PAK5: variants seen among roughly 807,000 people sequenced by gnomAD.
PAK5 encodes the protein serine/threonine-protein kinase PAK 5.
Under a neutral mutation model 65.9 loss-of-function variants are expected in PAK5, and 16 were observed. The observed-to-expected ratio is 0.24, with a 90% CI of 0.16 to 0.37. The LOEUF (loss-of-function observed/expected upper bound fraction) is 0.37, where lower values mean the gene tolerates loss of function less well. Among genes scored for constraint, PAK5 ranks in the 10% least tolerant of loss-of-function variants. The pLI, the probability that PAK5 is intolerant of heterozygous loss-of-function variation, is 1.00. For synonymous variants in PAK5, 371 were observed against 354.9 expected, an observed-to-expected ratio of 1.05 and a Z score of -0.51; for missense variants, 785 against 903.9, an observed-to-expected ratio of 0.87 and a Z score of 1.69.
rs114208383 is a variant in PAK5 at position 9,648,171 on chromosome 20, G to A, written c.-11-3832C>T. 4.2e-3 allele frequency among the ~76,000 whole-genome samples: 635 copies of A among 152,248 alleles called. 10 individuals carry two copies. Among genetic ancestry groups the A allele is most frequent in the African/African-American group, 0.014 (581 of 41,530 alleles). ...TAGGACTCTGCATACAGTCATACTC[G>A]TGGCTGTGATTTATTACCATGAGAG... is the stretch of plus-strand genomic sequence containing the variant. On this transcript the variant is annotated intron_variant, in intron 2 of 9. Transcript: ENST00000353224.
rs188354729 is a variant in PAK5 at position 9,749,985 on chromosome 20, T to C, written c.-161-38550A>G. On this transcript the variant is annotated intron_variant, in intron 1 of 9. Transcript: ENST00000353224. ...AAAAGCTGCATTTCATTAAGACAAATTATCCAAACATTATTCAGTTCTGAC... is the reference window on the plus strand; with the variant it reads ...AAAAGCTGCATTTCATTAAGACAAACTATCCAAACATTATTCAGTTCTGAC... Among the ~76,000 whole-genome samples, 361 of 152,308 alleles carry C rather than the reference T, an allele frequency of 2.4e-3. 1 individual carries two copies. Among genetic ancestry groups the C allele is most frequent in the African/African-American group, 8.3e-3 (345 of 41,578 alleles).
rs940885608 is a variant in PAK5, at chr20:9,538,895, G to A, written c.*567C>T. On this transcript the variant is annotated 3_prime_UTR_variant, in exon 10 of 10. Transcript: ENST00000353224. The stretch of plus-strand genomic sequence containing the variant: ...CTAAAGAATCATTGGTTCTCTTAAA[G>A]GGATAAAAAAGTAGGAAAGGCTTTG... The A allele has an allele frequency of 8.6e-6, 2 of 232,898 alleles. No homozygotes were observed. Among genetic ancestry groups the A allele is most frequent in the African/African-American group, 4.4e-5 (2 of 45,270 alleles). The allele number at this position is 232,898 out of a possible 1,614,324, so 14.4% of individuals were successfully genotyped here.
rs1454074122 is a variant in PAK5, at chr20:9,766,354, T to TGAATATATATATATATTCAAGCA, written c.-161-54942_-161-54920dup. Reference sequence around the variant, plus strand: ...CTTGAATATATATATTCTACTTACTTGAATATATATATATATTCAAGCAGA... The same window carrying TGAATATATATATATATTCAAGCA: ...CTTGAATATATATATTCTACTTACTTGAATATATATATATATTCAAGCAGAATATATATATATATTCAAGCAGA... On this transcript the variant is annotated intron_variant, in intron 1 of 9. Coordinates refer to ENST00000353224, the MANE Select transcript of PAK5 (RefSeq NM_177990.4). Among the ~76,000 whole-genome samples, 39 of 82,042 alleles carry TGAATATATATATATATTCAAGCA rather than the reference T, an allele frequency of 4.8e-4. 6 individuals are homozygous for TGAATATATATATATATTCAAGCA. The highest frequency in any genetic ancestry group is 6.6e-4 in the African/African-American group (14 of 21,292). 53.8% of individuals were successfully genotyped at this position (82,042 alleles called of 152,430 possible).
chr20:9,559,538 G>C (rs1463203389), intron 6 of PAK5, among the ~76,000 whole-genome samples: 1 of 152,152 alleles, frequency 6.6e-6, no homozygotes, highest in Non-Finnish European at 1.5e-5. Context: ...AAGGTGGGAG[G>C]ATTGCCTGAG....
chr20:9,565,271 T>C (rs1279458133), intron 5 of PAK5, among the ~76,000 whole-genome samples: 3 of 152,128 alleles, frequency 2.0e-5, no homozygotes, highest in Admixed American at 2.0e-4. Context: ...AACACTGAAA[T>C]ATTAATGTAG....
intron 1 of PAK5, among the ~76,000 whole-genome samples, chr20:9,830,355 T>C (rs1281504584): frequency 6.6e-6 from 1 of 152,198 alleles, no homozygotes; most frequent in East Asian, 1.9e-4. Context: ...CACAGACATT[T>C]CCTATTTATC....
At chr20:9,723,261 T>C (rs540220018) in intron 1 of PAK5, among the ~76,000 whole-genome samples, 1 of 152,142 alleles carries the variant, frequency 6.6e-6, no homozygotes, top group Admixed American at 6.5e-5. Context: ...GGAGCAGTAG[T>C]GGGAACAGTG....
chr20:9,558,949 T>C (rs2045553479), intron 6 of PAK5, among the ~76,000 whole-genome samples: 1 of 152,166 alleles, frequency 6.6e-6, no homozygotes. Flanking sequence ...AATGGCCAGG[T>C]CATGATTCAA....
chr20:9,569,944 C>G (rs139389024), intron 4 of PAK5, among the ~76,000 whole-genome samples: 2 of 149,166 alleles, frequency 1.3e-5, no homozygotes, highest in African/African-American at 2.6e-5. Flanking sequence ...GCCCTCCTGC[C>G]CTGGTTGCAG....
chr20:9,761,567 C>A (rs1234021091), intron 1 of PAK5, among the ~76,000 whole-genome samples: 4 of 152,042 alleles, frequency 2.6e-5, no homozygotes, highest in African/African-American at 7.2e-5. Flanking sequence ...TATGAAACCA[C>A]AAAGACCCTG....
chr20:9,607,349 T>C (rs1454468658), intron 3 of PAK5, among the ~76,000 whole-genome samples: 3 of 152,190 alleles, frequency 2.0e-5, no homozygotes, highest in East Asian at 3.8e-4. Flanking sequence ...AAGGCCAATA[T>C]AAAGAAAGGC....
At chr20:9,635,501 T>C (rs1411921196) in intron 3 of PAK5, among the ~76,000 whole-genome samples, 2 of 152,032 alleles carry the variant, frequency 1.3e-5, no homozygotes. Context: ...ACCCAACAGA[T>C]GATCTGTTTT....
intron 2 of PAK5, among the ~76,000 whole-genome samples, chr20:9,681,043 T>G (rs993591223): frequency 2.0e-5 from 3 of 152,172 alleles, no homozygotes; most frequent in Non-Finnish European, 2.9e-5. Context: ...ATTCTATCAA[T>G]TTTTGCGTCT....
intron 8 of PAK5, among the ~76,000 whole-genome samples, chr20:9,543,180 T>TA (rs941739096): frequency 2.0e-5 from 3 of 152,206 alleles, no homozygotes; most frequent in African/African-American, 7.2e-5. Context: ...AATTTGCTTT[T>TA]AAAAATAGCT....
chr20:9,641,625 C>A (rs752090681), intron 3 of PAK5, among the ~76,000 whole-genome samples: 2 of 151,956 alleles, frequency 1.3e-5, no homozygotes, highest in Admixed American at 1.3e-4. Flanking sequence ...TGGGACTGGG[C>A]GCTGTGGAGC....
At chr20:9,802,237 G>A (rs1027579651) in intron 1 of PAK5, among the ~76,000 whole-genome samples, 2 of 152,132 alleles carry the variant, frequency 1.3e-5, no homozygotes, top group African/African-American at 4.8e-5. Context: ...TCTGGGTCAG[G>A]AGGCAAAGGG....
intron 1 of PAK5, among the ~76,000 whole-genome samples, chr20:9,821,173 G>A (rs2049416171): frequency 6.6e-6 from 1 of 152,090 alleles, no homozygotes; most frequent in African/African-American, 2.4e-5. Context: ...CTGAGGTCAG[G>A]AGTTCGAGAC....
intron 3 of PAK5, among the ~76,000 whole-genome samples, chr20:9,597,369 G>C (rs1341027033): frequency 6.6e-6 from 1 of 152,216 alleles, no homozygotes; most frequent in East Asian, 1.9e-4. Flanking sequence ...AAAACTGTAT[G>C]CATGAACTGA....
intron 1 of PAK5, among the ~76,000 whole-genome samples, chr20:9,753,051 C>A: frequency 6.6e-6 from 1 of 152,110 alleles, no homozygotes; most frequent in East Asian, 1.9e-4. Context: ...GAGGGCAACC[C>A]AGACCAGCCA....
Sources: allele counts gnomAD v4.1 joint callset (sites outside exome capture counted in the v4.1 genomes callset), GRCh38; gene constraint gnomAD v4.1.1; transcripts MANE v1.5; gene names NCBI Gene and HGNC (gene_info 2026-07-23, HGNC 2026-07-21).